The following ARL15 variants were observed in gnomAD, a reference collection of about 807,000 sequenced individuals.
The protein encoded by ARL15 is ADP-ribosylation factor-like protein 15.
A neutral mutation model predicts 25.2 loss-of-function variants in ARL15; 19 were observed. That is an observed-to-expected ratio of 0.75 (90% CI 0.53 to 1.10). The LOEUF is 1.10. Among genes scored for constraint, ARL15 ranks in the 50% least tolerant of loss-of-function variants. The pLI, the probability that ARL15 is intolerant of heterozygous loss-of-function variation, is 0.00. For missense variants in ARL15, 220 were observed against 246.0 expected (o/e 0.89, Z 0.71); for synonymous variants, 94 against 86.8 (o/e 1.08, Z -0.46).
At chr5:54,173,356 G>C (rs1579872709) in intron 1 of ARL15, among the ~76,000 whole-genome samples, 1 of 152,108 alleles carries the variant, frequency 6.6e-6, no homozygotes, top group East Asian at 1.9e-4. Flanking sequence ...TGATTCATGA[G>C]AGAAAGAGGG....
intron 1 of ARL15, among the ~76,000 whole-genome samples, chr5:54,292,353 A>G (rs1235336009): frequency 1.3e-5 from 2 of 152,174 alleles, no homozygotes; most frequent in East Asian, 3.9e-4. Flanking sequence ...AAATCTAACA[A>G]CTAAAGGCAG....
intron 1 of ARL15, among the ~76,000 whole-genome samples, chr5:54,224,803 TA>T (rs574004287): frequency 1.3e-5 from 2 of 151,996 alleles, no homozygotes; most frequent in African/African-American, 2.4e-5. Context: ...GCCAATGTTT[TA>T]AAAAAAATAA....
rs75096293 is a variant in ARL15, at chr5:54,062,409, C to T, written c.462+50793G>A. Among the ~76,000 whole-genome samples the T allele has an allele frequency of 1.9e-3, 292 of 151,816 alleles. 7 individuals are homozygous for T. In the East Asian group the frequency reaches 0.048, roughly 25 times the overall value. On this transcript the variant is annotated intron_variant, in intron 4 of 4. Transcript: ENST00000504924. The stretch of plus-strand genomic sequence containing the variant: ...CCACCCAAATCTCATGTTGAATTCC[C>T]ATGTGTTGTGGGAGAGACCCGGTGG...
intron 1 of ARL15, among the ~76,000 whole-genome samples, chr5:54,229,642 C>G (rs1756615150): frequency 6.6e-6 from 1 of 152,200 alleles, no homozygotes; most frequent in Admixed American, 6.5e-5. Context: ...TATCTATGTG[C>G]ACCTGTTGTT....
At position 54,037,306 on chromosome 5, in the gene ARL15, G is replaced by A. The variant is rs139417387; in HGVS notation, c.462+75896C>T. ...TTATTAAGTTTCCAGGAAATATTCT[G>A]TCCTTACCCTTTATTTTTCTATTTG... On this transcript the variant is annotated intron_variant, in intron 4 of 4. Transcript: ENST00000504924. 2.5e-3 allele frequency among the ~76,000 whole-genome samples: 377 copies of A among 152,016 alleles called. 1 individual carries two copies. Among genetic ancestry groups the A allele is most frequent in the African/African-American group, 8.8e-3 (366 of 41,498 alleles).
chr5:54,304,604 T>G (rs1433716408), intron 1 of ARL15, among the ~76,000 whole-genome samples: 7 of 152,222 alleles, frequency 4.6e-5, no homozygotes, highest in African/African-American at 1.7e-4. Context: ...AGTTCCTACC[T>G]AATGGTACGG....
intron 1 of ARL15, among the ~76,000 whole-genome samples, chr5:54,204,641 T>C (rs1755815218): frequency 6.6e-6 from 1 of 152,218 alleles, no homozygotes; most frequent in African/African-American, 2.4e-5. Flanking sequence ...TCCAGTCAAG[T>C]CTTGCACTTT....
At chr5:54,204,623 C>T (rs1452231146) in intron 1 of ARL15, among the ~76,000 whole-genome samples, 1 of 152,198 alleles carries the variant, frequency 6.6e-6, no homozygotes, top group Non-Finnish European at 1.5e-5. Flanking sequence ...TGTACACACT[C>T]TAAAGTTTCC....
At chr5:53,949,844 C>T (rs1159661807) in intron 4 of ARL15, among the ~76,000 whole-genome samples, 2 of 152,164 alleles carry the variant, frequency 1.3e-5, no homozygotes, top group Non-Finnish European at 2.9e-5. Flanking sequence ...TTCCAAAAGA[C>T]TGCTCGTATG....
At chr5:54,011,109 A>G (rs1269994708) in intron 4 of ARL15, among the ~76,000 whole-genome samples, 1 of 152,152 alleles carries the variant, frequency 6.6e-6, no homozygotes, top group Non-Finnish European at 1.5e-5. Flanking sequence ...CGGGAGTGGA[A>G]AAAGCCCTCC....
chr5:54,009,965 A>ACT (rs3836821), intron 4 of ARL15, among the ~76,000 whole-genome samples: 42,665 of 151,896 alleles, frequency 0.28, 6,214 homozygotes, highest in East Asian at 0.45. Flanking sequence ...CAGGCTCCTG[A>ACT]CTCTCTTTAC....
chr5:54,024,122 C>G (rs1307936090), intron 4 of ARL15, among the ~76,000 whole-genome samples: 1 of 152,180 alleles, frequency 6.6e-6, no homozygotes, highest in Non-Finnish European at 1.5e-5. Flanking sequence ...TGCCTTTTGT[C>G]AGTTGATTTT....
At chr5:54,203,446 G>A (rs542286454) in intron 1 of ARL15, among the ~76,000 whole-genome samples, 8 of 152,084 alleles carry the variant, frequency 5.3e-5, no homozygotes, top group African/African-American at 1.9e-4. Context: ...ATAGATTCTG[G>A]ATAATCAACT....
At chr5:53,939,880 C>A (rs1441891149) in intron 4 of ARL15, among the ~76,000 whole-genome samples, 1 of 151,614 alleles carries the variant, frequency 6.6e-6, no homozygotes, top group Non-Finnish European at 1.5e-5. Context: ...CAAATATGAA[C>A]AGACGTTTGT....
intron 4 of ARL15, among the ~76,000 whole-genome samples, chr5:54,006,910 G>C (rs1749064504): frequency 6.6e-6 from 1 of 152,050 alleles, no homozygotes; most frequent in Admixed American, 6.5e-5. Context: ...GACCAACATG[G>C]AGAAACCCTG....
At chr5:54,086,287 T>C (rs1230595976) in intron 4 of ARL15, among the ~76,000 whole-genome samples, 1 of 152,184 alleles carries the variant, frequency 6.6e-6, no homozygotes, top group Non-Finnish European at 1.5e-5. Flanking sequence ...CCACAGTTTA[T>C]CACTTTGGAA....
intron 1 of ARL15, among the ~76,000 whole-genome samples, chr5:54,291,522 G>GC (rs1338308401): frequency 6.6e-6 from 1 of 152,032 alleles, no homozygotes; most frequent in Admixed American, 6.6e-5. Context: ...CATTGAATCT[G>GC]CAGATCTAGA....
intron 1 of ARL15, among the ~76,000 whole-genome samples, chr5:54,265,444 T>C (rs1757600543): frequency 1.3e-5 from 2 of 152,130 alleles, no homozygotes; most frequent in South Asian, 4.1e-4. Flanking sequence ...AATATTAAAG[T>C]AAGAGCATGG....
At chr5:54,066,704 G>A (rs1034506043) in intron 4 of ARL15, among the ~76,000 whole-genome samples, 6 of 152,022 alleles carry the variant, frequency 3.9e-5, no homozygotes, top group East Asian at 3.9e-4. Context: ...ATCCTACAAC[G>A]CATAAAACTA....
Sources: allele counts gnomAD v4.1 joint callset (sites outside exome capture counted in the v4.1 genomes callset), GRCh38; gene constraint gnomAD v4.1.1; transcripts MANE v1.5; gene names NCBI Gene and HGNC (gene_info 2026-07-23, HGNC 2026-07-21).